The following CNIH3 variants were observed in gnomAD, a reference collection of about 807,000 sequenced individuals.
CNIH3 encodes cornichon family AMPA receptor auxiliary protein 3, also known as protein cornichon homolog 3.
In CNIH3, 14 loss-of-function variants were observed where a neutral mutation model predicts 24.1. The ratio of observed to expected loss-of-function variants is 0.58; its 90% confidence interval spans 0.38 to 0.91. CNIH3 has a LOEUF of 0.91. Among genes scored for constraint, CNIH3 ranks in the 40% least tolerant of loss-of-function variants. The probability of loss-of-function intolerance (pLI) is 0.00; values close to 1 mark genes in which losing one functional copy is unlikely to be tolerated. For synonymous variants in CNIH3, 68 were observed against 73.8 expected (o/e 0.92, Z 0.40); for missense variants, 178 against 196.8 (o/e 0.90, Z 0.57).
intron 1 of CNIH3, among the ~76,000 whole-genome samples, chr1:224,630,292 A>C (rs1683755278): frequency 6.6e-6 from 1 of 152,126 alleles, no homozygotes; most frequent in Admixed American, 6.5e-5. Flanking sequence ...AGGCGGCCTT[A>C]CCTGTGCTGC....
intron 3 of CNIH3, among the ~76,000 whole-genome samples, chr1:224,710,515 T>C (rs1688081683): frequency 6.6e-6 from 1 of 152,244 alleles, no homozygotes; most frequent in Admixed American, 6.5e-5. Flanking sequence ...GATCCCAGTT[T>C]TGGAGAATAA....
rs2125181190 is a variant in CNIH3, at chr1:224,704,155, C to T, written c.198+19312C>T. Among the ~76,000 whole-genome samples the T allele has an allele frequency of 6.7e-6, 1 of 149,722 alleles. No individual in the cohort carries two copies. Among genetic ancestry groups the T allele is most frequent in the Admixed American group, 6.6e-5 (1 of 15,178 alleles). ...GGTGGAAGGACGGTGTGTGTCCTGC[C>T]TGGTGTGAGCAGGCTGCATCACCTA... On this transcript the variant is annotated intron_variant, in intron 3 of 5. Coordinates refer to ENST00000272133, the MANE Select transcript of CNIH3 (RefSeq NM_152495.2). This position sits in a 1 kb window ranked among gnomAD's most constrained non-coding sequence, Gnocchi z 4.2.
chr1:224,563,484 T>G (rs1177962054), intron 3 of CNIH3, among the ~76,000 whole-genome samples: 1 of 151,734 alleles, frequency 6.6e-6, no homozygotes, highest in Non-Finnish European at 1.5e-5. Context: ...TGTGTGTGTG[T>G]GTGTGTGTGT....
intron 1 of CNIH3, among the ~76,000 whole-genome samples, chr1:224,648,372 C>T (rs1400798634): frequency 6.7e-6 from 1 of 148,862 alleles, no homozygotes; most frequent in Non-Finnish European, 1.5e-5. Flanking sequence ...GGTCATGCCA[C>T]TGCACTCCAG....
intron 1 of CNIH3, among the ~76,000 whole-genome samples, chr1:224,623,408 C>A (rs1193098055): frequency 1.3e-5 from 2 of 152,106 alleles, no homozygotes; most frequent in Non-Finnish European, 2.9e-5. Flanking sequence ...CTTCTCTCAC[C>A]CCAGGTACCC....
chr1:224,632,686 TG>T (rs1683884926), intron 1 of CNIH3, among the ~76,000 whole-genome samples: 3 of 151,980 alleles, frequency 2.0e-5, no homozygotes, highest in African/African-American at 7.3e-5. Context: ...CCAGATGCTG[TG>T]GGATTTCAAG....
At position 224,637,614 on chromosome 1, in the gene CNIH3, T is replaced by G. The variant is rs147455957; in HGVS notation, c.81+20359T>G. ...CAACAAAACCACACCCTTTCTCCCTTTGTCATAGTGTTGTCTGGCTCAGTA... is the reference window on the plus strand; with the variant it reads ...CAACAAAACCACACCCTTTCTCCCTGTGTCATAGTGTTGTCTGGCTCAGTA... On this transcript the variant is annotated intron_variant, in intron 1 of 5. Coordinates refer to ENST00000272133, the MANE Select transcript of CNIH3 (RefSeq NM_152495.2). Among the ~76,000 whole-genome samples, 314 of 152,292 alleles carry G rather than the reference T, an allele frequency of 2.1e-3. 1 individual carries two copies. Among genetic ancestry groups the G allele is most frequent in the African/African-American group, 7.0e-3 (293 of 41,570 alleles).
intron 2 of CNIH3, among the ~76,000 whole-genome samples, chr1:224,682,773 C>A (rs1005925317): frequency 6.6e-6 from 1 of 152,172 alleles, no homozygotes; most frequent in African/African-American, 2.4e-5. Context: ...TTAGGAATGC[C>A]AGGCAAGACA....
chr1:224,651,680 A>G (rs1305850737), intron 1 of CNIH3, among the ~76,000 whole-genome samples: 1 of 152,202 alleles, frequency 6.6e-6, no homozygotes, highest in Non-Finnish European at 1.5e-5. Flanking sequence ...GTAAAGGTCT[A>G]ACTCAGAACT....
At chr1:224,599,886 T>C (rs1682136430) in intron 3 of CNIH3, among the ~76,000 whole-genome samples, 1 of 152,222 alleles carries the variant, frequency 6.6e-6, no homozygotes, top group Non-Finnish European at 1.5e-5. Context: ...TTAAAATGAA[T>C]ATAAAATTTC....
chr1:224,574,863 TG>T, intron 4 of CNIH3: 2 of 978,912 alleles, frequency 2.0e-6, no homozygotes, highest in South Asian at 1.3e-5. Context: ...TCTGGACACA[TG>T]GGCGGGCATG....
chr1:224,550,593 C>T (rs1024564539), intron 3 of CNIH3, among the ~76,000 whole-genome samples: 5 of 152,078 alleles, frequency 3.3e-5, no homozygotes, highest in African/African-American at 4.8e-5. Flanking sequence ...TTTAATGTCA[C>T]ACAGTGGGCA....
At chr1:224,711,424 G>A (rs1688140397) in intron 3 of CNIH3, among the ~76,000 whole-genome samples, 1 of 151,556 alleles carries the variant, frequency 6.6e-6, no homozygotes, top group African/African-American at 2.4e-5. Flanking sequence ...GGGCTCAAGT[G>A]ATCCTCCCAC....
intron 1 of CNIH3, among the ~76,000 whole-genome samples, chr1:224,456,819 C>T (rs1206316825): frequency 6.6e-6 from 1 of 152,232 alleles, no homozygotes; most frequent in Non-Finnish European, 1.5e-5. Flanking sequence ...TGCACAAGGC[C>T]TTGTCGTAAC....
At chr1:224,693,911 GTAGTTCTTGCGAGGGTCTAGTCATCTGT>G (rs1687047759) in intron 3 of CNIH3, among the ~76,000 whole-genome samples, 1 of 152,270 alleles carries the variant, frequency 6.6e-6, no homozygotes, top group Non-Finnish European at 1.5e-5. Context: ...ATCTGCTCCA[GTAGTTCTTGCGAGGGTCTAGTCATCTGT>G]ATTTTGAAAA....
chr1:224,625,866 G>A (rs886752590), intron 1 of CNIH3, among the ~76,000 whole-genome samples: 2 of 152,176 alleles, frequency 1.3e-5, no homozygotes, highest in Admixed American at 1.3e-4. Flanking sequence ...GGGGCTGCAC[G>A]CTAGTCTCTC....
chr1:224,626,074 T>C (rs76653941), intron 1 of CNIH3, among the ~76,000 whole-genome samples: 7,131 of 152,252 alleles, frequency 0.047, 228 homozygotes, highest in East Asian at 0.15. Flanking sequence ...TCACATTGCT[T>C]CTGAGTTGCT....
intron 1 of CNIH3, among the ~76,000 whole-genome samples, chr1:224,627,976 G>A (rs1311591320): frequency 1.3e-5 from 2 of 151,494 alleles, no homozygotes; most frequent in African/African-American, 2.4e-5. Context: ...TTGCTGGTCA[G>A]CAAATGGAGG....
chr1:224,733,660 A>G (rs1572838810), intron 4 of CNIH3, among the ~76,000 whole-genome samples: 2 of 152,118 alleles, frequency 1.3e-5, no homozygotes, highest in Non-Finnish European at 2.9e-5. Context: ...ACCATTGAGA[A>G]CCACTGTCTG....
Sources: gnomAD v4.1 joint callset for allele counts (sites outside exome capture counted in the v4.1 genomes callset) on GRCh38, gnomAD v4.1.1 for gene constraint, Gnocchi (gnomAD v3.1) non-coding constraint, MANE v1.5 for transcripts, NCBI Gene and HGNC (gene_info 2026-07-23, HGNC 2026-07-21) for gene names.